ANKRD36: variants seen among roughly 807,000 people sequenced by gnomAD.
ANKRD36 encodes the protein ankyrin repeat domain 36.
A neutral mutation model predicts 278.1 loss-of-function variants in ANKRD36; 179 were observed. The observed-to-expected ratio is 0.64, with a 90% confidence interval of 0.57 to 0.73. The LOEUF (loss-of-function observed/expected upper bound fraction) is 0.73, where lower values mean the gene tolerates loss of function less well. ANKRD36 is among the 30% of genes least tolerant of loss of function. ANKRD36 has a pLI of 0.00. For synonymous variants in ANKRD36, 320 were observed against 641.1 expected, an observed-to-expected ratio of 0.50 and a Z score of 7.57; for missense variants, 1,159 against 1,956.7, an observed-to-expected ratio of 0.59 and a Z score of 7.69.
At chr2:97,219,419 G>T (rs2066793652) in intron 66 of ANKRD36, among the ~76,000 whole-genome samples, 173 bp downstream of exon 66, 1 of 152,098 alleles carries the variant, frequency 6.6e-6, no homozygotes, top group Non-Finnish European at 1.5e-5. Flanking sequence ...AGATTTACAT[G>T]CATAAAGAAA....
intron 14 of ANKRD36, among the ~76,000 whole-genome samples, chr2:97,152,976 G>A: frequency 6.6e-6 from 1 of 151,796 alleles, no homozygotes; most frequent in East Asian, 1.9e-4. Context: ...CAAATATTTT[G>A]AAATGGCAGT....
chr2:97,156,453 G>C (rs1559378970), intron 15 of ANKRD36, among the ~76,000 whole-genome samples: 1 of 129,906 alleles, frequency 7.7e-6, no homozygotes, highest in South Asian at 2.3e-4. Flanking sequence ...TCCCACCTAT[G>C]AGTGAGAATA....
intron 6 of ANKRD36, among the ~76,000 whole-genome samples, chr2:97,138,344 C>T (rs1029933719): frequency 6.6e-6 from 1 of 151,940 alleles, no homozygotes; most frequent in Non-Finnish European, 1.5e-5. Flanking sequence ...ACAATTGCTA[C>T]AAAGAGAATA....
intron 20 of ANKRD36, among the ~76,000 whole-genome samples, chr2:97,165,273 C>A (rs1409082810): frequency 6.6e-6 from 1 of 151,978 alleles, no homozygotes; most frequent in Non-Finnish European, 1.5e-5. Context: ...GAATATATTT[C>A]AGATCTGTCC....
At chr2:97,226,641 C>T (rs531132936) in intron 67 of ANKRD36, among the ~76,000 whole-genome samples, 4 of 152,060 alleles carry the variant, frequency 2.6e-5, no homozygotes, top group Middle Eastern at 3.4e-3. Context: ...TAGATCCCAT[C>T]TGTCAATTTT....
chr2:97,227,443 A>T (rs200336958), intron 67 of ANKRD36, among the ~76,000 whole-genome samples: 1 of 152,110 alleles, frequency 6.6e-6, no homozygotes, highest in African/African-American at 2.4e-5. Flanking sequence ...TTATTGGTGT[A>T]TAAGAATGCT....
chr2:97,113,710 G>A lies in ANKRD36; in HGVS notation c.-30G>A. ...ATCCCCGAAGGCGAGCTGAAATACG[G>A]CTGCAGGCTACAATTTGCAGCCGAC... On this transcript the variant is annotated 5_prime_UTR_variant, in exon 1 of 76. Transcript: ENST00000420699. 1 of 1,611,312 alleles carries A rather than the reference G, an allele frequency of 6.2e-7. No individual in the cohort carries two copies. The highest frequency in any genetic ancestry group is 8.5e-7 in the Non-Finnish European group (1 of 1,179,744).
chr2:97,210,298 G>C (rs1271035496), intron 56 of ANKRD36, among the ~76,000 whole-genome samples: 1 of 151,816 alleles, frequency 6.6e-6, no homozygotes, highest in Non-Finnish European at 1.5e-5. Context: ...GGAGACCCCT[G>C]GTGTAGCAAC....
rs2061525027 is a variant in ANKRD36, at chr2:97,202,068, A to G, written c.2858-134A>G. 4 of 1,530,952 alleles carry G rather than the reference A, an allele frequency of 2.6e-6. No individual in the cohort carries two copies. In the African/African-American group the frequency reaches 5.6e-5, roughly 21 times the overall value. The allele number at this position is 1,530,952 out of a possible 1,614,324, so 94.8% of individuals were successfully genotyped here. The stretch of plus-strand genomic sequence containing the variant: ...ATTTCTGTCACGTTCTAGTCCCCAG[A>G]CACAAAGTAGAAGCCATGAAGGCCT... On this transcript the variant is annotated intron_variant, in intron 46 of 75. Transcript: ENST00000420699.
intron 14 of ANKRD36, among the ~76,000 whole-genome samples, chr2:97,153,738 G>A (rs1015424244): frequency 3.4e-5 from 5 of 147,750 alleles, no homozygotes; most frequent in East Asian, 3.9e-4. Flanking sequence ...AATGAAAGTG[G>A]ATAAGAATGG....
At chr2:97,224,661 A>C in intron 66 of ANKRD36, 145 bp from the exon 67 acceptor site, 1 of 1,067,038 alleles carries the variant, frequency 9.4e-7, no homozygotes, top group Non-Finnish European at 1.3e-6. Context: ...CTTGTTAGCC[A>C]GGATGGTCTC....
intron 17 of ANKRD36, among the ~76,000 whole-genome samples, chr2:97,161,508 T>G (rs2048876930): frequency 6.6e-6 from 1 of 152,148 alleles, no homozygotes; most frequent in Admixed American, 6.6e-5. Context: ...TCTGTATATG[T>G]CTTTCAGGGT....
At chr2:97,200,427 A>T (rs372168491) in intron 45 of ANKRD36, 26 bp from the exon 46 acceptor site, 27 of 1,600,276 alleles carry the variant, frequency 1.7e-5, no homozygotes, top group East Asian at 1.1e-4. Flanking sequence ...TACCTTATTT[A>T]TTACTTTGTT....
At chr2:97,171,577 G>A (rs2052528667) in intron 22 of ANKRD36, among the ~76,000 whole-genome samples, 1 of 130,034 alleles carries the variant, frequency 7.7e-6, no homozygotes, top group African/African-American at 2.9e-5. Context: ...GGGAGGGATA[G>A]CATTGGGAGA....
At chr2:97,142,605 C>G in intron 6 of ANKRD36, 35 bp from the exon 7 acceptor site, 1 of 1,605,650 alleles carries the variant, frequency 6.2e-7, no homozygotes, top group East Asian at 2.2e-5. Flanking sequence ...ATCATATTTA[C>G]ATATGATTGA....
Position 97,118,160 on chromosome 2 carries a change from C to G in ANKRD36, c.294C>G (p.Asp98Glu), listed in dbSNP as rs761464808. ...RCELNLCDRE[D>E]RTPLIKAVQL... The stretch of plus-strand genomic sequence containing the variant: ...AGCTTAACCTCTGCGACCGTGAAGA[C>G]AGGACACCTCTGATCAAGGTATATA... The change falls in exon 2 of 76, where the codon GAC becomes GAG. Residue 98 changes from aspartate (D) to glutamate (E), a missense_variant. By Grantham distance (45) the Asp-to-Glu change is conservative (BLOSUM62 2). Coordinates refer to ENST00000420699, the MANE Select transcript of ANKRD36 (RefSeq NM_001354587.1). The G allele has an allele frequency of 6.3e-7, 1 of 1,576,620 alleles. No homozygotes were observed. Among genetic ancestry groups the G allele is most frequent in the South Asian group, 1.2e-5 (1 of 86,156 alleles).
At chr2:97,196,961 T>C (rs1459868040) in intron 42 of ANKRD36, among the ~76,000 whole-genome samples, 173 bp downstream of exon 42, 1 of 151,926 alleles carries the variant, frequency 6.6e-6, no homozygotes, top group Admixed American at 6.6e-5. Flanking sequence ...GTCTGGAACA[T>C]GATCTTCGCC....
At chr2:97,188,039 G>C (rs1224982686) in intron 32 of ANKRD36, among the ~76,000 whole-genome samples, 1 of 151,594 alleles carries the variant, frequency 6.6e-6, no homozygotes, top group Non-Finnish European at 1.5e-5. Context: ...TGCTAGAATT[G>C]GGATAAAGCA....
chr2:97,118,316 T>G lies in ANKRD36; in HGVS notation c.313-28T>G, dbSNP rs201785497. On this transcript the variant is annotated intron_variant, in intron 2 of 75. Transcript: ENST00000420699. ...GTGTTTATTTTGATTTTTCAGTATT[T>G]GCATGTTTCTCGGTCTAATACTGAC... The G allele has an allele frequency of 2.3e-3, 3,644 of 1,611,294 alleles. 40 individuals carry two copies. The highest frequency in any genetic ancestry group is 2.9e-3 in the Non-Finnish European group (3,392 of 1,178,758).
Sources: gnomAD v4.1 joint callset for allele counts (sites outside exome capture counted in the v4.1 genomes callset) on GRCh38, gnomAD v4.1.1 for gene constraint, MANE v1.5 for transcripts, NCBI Gene and HGNC (gene_info 2026-07-23, HGNC 2026-07-21) for gene names.